Variants in AOAH observed in about 807,000 individuals in gnomAD.
The protein encoded by AOAH is acyloxyacyl hydrolase (neutrophil).
In AOAH, 64 loss-of-function variants were observed where a neutral mutation model predicts 92.2. The observed-to-expected ratio is 0.69, with a 90% confidence interval of 0.57 to 0.86. AOAH has a LOEUF of 0.86. Among genes scored for constraint, AOAH ranks in the 40% least tolerant of loss-of-function variants. The pLI, the probability that AOAH is intolerant of heterozygous loss-of-function variation, is 0.00. For synonymous variants in AOAH, 263 were observed against 254.5 expected (o/e 1.03, Z -0.32); for missense variants, 656 against 694.6 (o/e 0.94, Z 0.62).
chr7:36,552,566 G>C (rs1196537202), intron 13 of AOAH, among the ~76,000 whole-genome samples: 1 of 152,132 alleles, frequency 6.6e-6, no homozygotes, highest in African/African-American at 2.4e-5. Flanking sequence ...CTAAATCTTT[G>C]AGGAAGTGCC....
At chr7:36,615,019 C>T (rs893013276) in intron 11 of AOAH, among the ~76,000 whole-genome samples, 11 of 152,156 alleles carry the variant, frequency 7.2e-5, no homozygotes, top group African/African-American at 2.7e-4. Flanking sequence ...CCCTAAGCAT[C>T]TCCTGGCCTG....
At chr7:36,576,507 G>C in intron 13 of AOAH, 67 bp downstream of exon 13, 1 of 882,634 alleles carries the variant, frequency 1.1e-6, no homozygotes, top group Admixed American at 2.7e-5. Context: ...CAGCTTTTGA[G>C]GTACTTATGA....
At chr7:36,602,536 C>G (rs1173668037) in intron 11 of AOAH, among the ~76,000 whole-genome samples, 1 of 150,118 alleles carries the variant, frequency 6.7e-6, no homozygotes, top group African/African-American at 2.5e-5. Context: ...TCCTCATATG[C>G]AGAGATAACC....
intron 19 of AOAH, among the ~76,000 whole-genome samples, chr7:36,524,196 A>G (rs899450396): frequency 3.3e-5 from 5 of 152,142 alleles, no homozygotes; most frequent in African/African-American, 1.2e-4. Flanking sequence ...AACAGAAGAA[A>G]GAAAAGAAAG....
chr7:36,564,791 G>A (rs548720874), intron 13 of AOAH, among the ~76,000 whole-genome samples: 16 of 152,152 alleles, frequency 1.1e-4, no homozygotes, highest in South Asian at 1.0e-3. Flanking sequence ...CATCAAAAGC[G>A]CACACTCTTC....
chr7:36,657,001 T>G (rs1444935445), intron 4 of AOAH, among the ~76,000 whole-genome samples: 1 of 152,104 alleles, frequency 6.6e-6, no homozygotes, highest in Non-Finnish European at 1.5e-5. Flanking sequence ...TAAAAAGGTC[T>G]GCTATATACC....
At position 36,718,663 on chromosome 7, in the gene AOAH, C is replaced by A. The variant is rs1224640135; in HGVS notation, c.127+5359G>T. Among the ~76,000 whole-genome samples, 3 of 152,058 alleles carry A rather than the reference C, an allele frequency of 2.0e-5. No individual in the cohort carries two copies. The South Asian group carries it at 6.2e-4, about 32-fold the overall frequency. ...TGATACATGCCACAACATGAATGAACCTTGAAAACATTATGCTAAGTCAAA... is the reference window on the plus strand; with the variant it reads ...TGATACATGCCACAACATGAATGAAACTTGAAAACATTATGCTAAGTCAAA... On this transcript the variant is annotated intron_variant, in intron 1 of 20. Transcript: ENST00000617537.
chr7:36,539,299 G>T (rs11974869), intron 16 of AOAH, among the ~76,000 whole-genome samples: 53,655 of 151,918 alleles, frequency 0.35, 9,577 homozygotes, highest in Middle Eastern at 0.4. Flanking sequence ...TAACACCAGG[G>T]AAGGGATAGT....
At chr7:36,632,257 G>C in intron 5 of AOAH, 151 bp from the exon 6 acceptor site, 1 of 665,744 alleles carries the variant, frequency 1.5e-6, no homozygotes. Flanking sequence ...TCTTGTTCCT[G>C]TCCCCACCAT....
chr7:36,696,613 G>A (rs1797725841), intron 1 of AOAH, among the ~76,000 whole-genome samples: 1 of 152,260 alleles, frequency 6.6e-6, no homozygotes, highest in East Asian at 1.9e-4. Context: ...TGCAATCCCA[G>A]CACTTTGGGA....
chr7:36,682,539 A>T (rs371788265), intron 2 of AOAH, among the ~76,000 whole-genome samples: 4 of 152,318 alleles, frequency 2.6e-5, no homozygotes, highest in African/African-American at 9.6e-5. Context: ...CCAAAAAAGG[A>T]TTAAAACATA....
intron 12 of AOAH, among the ~76,000 whole-genome samples, chr7:36,578,298 A>G (rs1388062089): frequency 6.6e-6 from 1 of 152,258 alleles, no homozygotes; most frequent in Non-Finnish European, 1.5e-5. Flanking sequence ...ATATTTCAAC[A>G]GGAAAAGGCC....
chr7:36,664,176 T>G (rs546741838), intron 3 of AOAH, among the ~76,000 whole-genome samples: 1 of 152,190 alleles, frequency 6.6e-6, no homozygotes, highest in Non-Finnish European at 1.5e-5. Flanking sequence ...ATTTGTACTA[T>G]GTAAAAAGTT....
intron 13 of AOAH, among the ~76,000 whole-genome samples, chr7:36,564,385 G>A (rs1787528159): frequency 6.6e-6 from 1 of 152,148 alleles, no homozygotes; most frequent in Admixed American, 6.5e-5. Context: ...GAAGGTGGGG[G>A]CTTTGTCTTT....
At chr7:36,584,659 C>T (rs1789178491) in intron 12 of AOAH, among the ~76,000 whole-genome samples, 1 of 152,114 alleles carries the variant, frequency 6.6e-6, no homozygotes, top group Non-Finnish European at 1.5e-5. Context: ...TTGCAGAATA[C>T]TTATTATAGG....
chr7:36,541,391 C>G (rs748847998), intron 15 of AOAH, among the ~76,000 whole-genome samples: 1 of 152,176 alleles, frequency 6.6e-6, no homozygotes, highest in Non-Finnish European at 1.5e-5. Context: ...AAAATCAAAG[C>G]ATGTCAGACA....
intron 4 of AOAH, among the ~76,000 whole-genome samples, chr7:36,640,982 C>T (rs1484935274): frequency 6.6e-6 from 1 of 152,130 alleles, no homozygotes; most frequent in East Asian, 1.9e-4. Flanking sequence ...GGCACAGGTG[C>T]AAAGGACAAT....
At chr7:36,631,335 G>A (rs1163996804) in intron 6 of AOAH, among the ~76,000 whole-genome samples, 3 of 145,756 alleles carry the variant, frequency 2.1e-5, no homozygotes, top group East Asian at 2.1e-4. Flanking sequence ...CAACAAGAGC[G>A]ACACTCCATC....
intron 1 of AOAH, among the ~76,000 whole-genome samples, chr7:36,694,758 T>C (rs1393232296): frequency 2.0e-5 from 3 of 152,214 alleles, no homozygotes; most frequent in African/African-American, 7.2e-5. Flanking sequence ...ACTTCATTTT[T>C]CAACTCACTT....
Sources: gnomAD v4.1 joint callset for allele counts (sites outside exome capture counted in the v4.1 genomes callset) on GRCh38, gnomAD v4.1.1 for gene constraint, MANE v1.5 for transcripts, NCBI Gene and HGNC (gene_info 2026-07-23, HGNC 2026-07-21) for gene names.